Variants in APAF1 observed in about 807,000 individuals in gnomAD.
The protein encoded by APAF1 is apoptotic protease-activating factor 1.
In APAF1, 91 loss-of-function variants were observed where a neutral mutation model predicts 152.4. The ratio of observed to expected loss-of-function variants is 0.60; its 90% CI spans 0.50 to 0.71. The LOEUF (loss-of-function observed/expected upper bound fraction) is 0.71, where lower values mean the gene tolerates loss of function less well. Ranked by LOEUF, APAF1 falls within the 30% of genes least tolerant of loss-of-function variation. APAF1 has a pLI of 0.00. For synonymous variants in APAF1, 484 were observed against 494.1 expected (o/e 0.98, Z 0.27); for missense variants, 1,283 against 1,472.0 (o/e 0.87, Z 2.10).
intron 16 of APAF1, among the ~76,000 whole-genome samples, chr12:98,696,224 A>G (rs1593079346): frequency 6.6e-6 from 1 of 152,102 alleles, no homozygotes. Context: ...GGGAAGCTAC[A>G]CCTGATGAGG....
At position 98,665,446 on chromosome 12, in the gene APAF1, T is replaced by C. The variant is rs2097671458; in HGVS notation, c.956-107T>C. On this transcript the variant is annotated intron_variant, in intron 7 of 26. Coordinates refer to ENST00000551964, the MANE Select transcript of APAF1 (RefSeq NM_181861.2). The stretch of plus-strand genomic sequence containing the variant: ...AGTGATAAATACTTAAGGCTTTTGA[T>C]AACATGCAGCAGAAATTGTTTCTTA... The C allele has an allele frequency of 1.2e-5, 10 of 819,922 alleles. No individual in the cohort carries two copies. The South Asian group carries it at 1.2e-4, about 10-fold the overall frequency. The allele number at this position is 819,922 out of a possible 1,614,324, so 50.8% of individuals were successfully genotyped here. A position where few individuals can be genotyped will look rare whatever the true frequency, so the allele number is the denominator to read the frequency against.
rs1186070944 is a variant in APAF1 at position 98,648,648 on chromosome 12, C to T, written c.161C>T (p.Ala54Val). Residue 54 changes from alanine (A) to valine (V), a missense_variant, in exon 3 of 27, where the codon GCT becomes GTT. By Grantham distance (64) the Ala-to-Val change is moderately conservative. Transcript: ENST00000551964. The stretch of plus-strand genomic sequence containing the variant: ...TAGCCCACTCAACAGCAAAGAGCAG[C>T]TATGCTGATTAAAATGATACTTAAA... ...RNEPTQQQRA[A>V]MLIKMILKKD... The T allele has an allele frequency of 6.2e-7, 1 of 1,613,736 alleles. No homozygotes were observed. The highest frequency in any genetic ancestry group is 8.5e-7 in the Non-Finnish European group (1 of 1,179,928).
chr12:98,660,173 C>T (rs1168066787), intron 5 of APAF1, among the ~76,000 whole-genome samples: 1 of 152,076 alleles, frequency 6.6e-6, no homozygotes, highest in Non-Finnish European at 1.5e-5. Flanking sequence ...TGATGAAACC[C>T]TGTCTTTCTA....
At chr12:98,714,072 T>A (rs1309718788) in intron 21 of APAF1, among the ~76,000 whole-genome samples, 1 of 152,244 alleles carries the variant, frequency 6.6e-6, no homozygotes, top group African/African-American at 2.4e-5. Flanking sequence ...CAGGTGAACC[T>A]TAGGCTTCCA....
At position 98,659,208 on chromosome 12, in the gene APAF1, A is replaced by T. The variant is rs1370484839; in HGVS notation, c.575A>T (p.Lys192Ile). ...TGGGTTTCAGTTGGGAAACAAGACA[A>T]ATCTGGGCTTCTGATGAAACTGCAG... ...VHWVSVGKQDKSGLLMKLQNL... is the reference protein window; with the variant it reads ...VHWVSVGKQDISGLLMKLQNL... Residue 192 changes from lysine (K) to isoleucine (I), a missense_variant, in exon 5 of 27, where the codon AAA becomes ATA. Lys to Ile is a moderately radical substitution (Grantham distance 102). Transcript: ENST00000551964. 5.6e-6 allele frequency: 9 copies of T among 1,614,200 alleles called. No individual in the cohort carries two copies. Among genetic ancestry groups the T allele is most frequent in the South Asian group, 1.1e-5 (1 of 91,086 alleles).
In APAF1 at chr12:98,695,957, T is replaced by C. The variant is rs149789132; in HGVS notation, c.2305-3451T>C. On this transcript the variant is annotated intron_variant, in intron 16 of 26. Coordinates refer to ENST00000551964, the MANE Select transcript of APAF1 (RefSeq NM_181861.2). ...AGGCTCAGAATTTAATTTCTAGGAG[T>C]CTGCCTATTACTTGCCTTTCTGCTT... Among the ~76,000 whole-genome samples, 45 of 152,280 alleles carry C rather than the reference T, an allele frequency of 3.0e-4. No individual in the cohort carries two copies. In the East Asian group the frequency reaches 8.3e-3, roughly 28 times the overall value.
intron 4 of APAF1, among the ~76,000 whole-genome samples, chr12:98,653,842 A>G (rs1008446191): frequency 8.0e-5 from 12 of 150,902 alleles, no homozygotes; most frequent in African/African-American, 2.7e-4. Flanking sequence ...ATCTTTAAAT[A>G]CAGTAGTGAC....
chr12:98,673,053 C>T (rs1429878191), intron 12 of APAF1, among the ~76,000 whole-genome samples: 1 of 152,026 alleles, frequency 6.6e-6, no homozygotes, highest in Non-Finnish European at 1.5e-5. Flanking sequence ...CCACTGCACC[C>T]GGCCTAAATT....
chr12:98,723,846 A>G (rs2097746648), intron 24 of APAF1, 82 bp downstream of exon 24: 3 of 1,412,538 alleles, frequency 2.1e-6, no homozygotes, highest in East Asian at 4.6e-5. Context: ...GCAAAAGGAC[A>G]TAACAGTTGC....
At chr12:98,700,377 G>A (rs1242657288) in intron 17 of APAF1, among the ~76,000 whole-genome samples, 4 of 152,136 alleles carry the variant, frequency 2.6e-5, no homozygotes, top group Non-Finnish European at 5.9e-5. Context: ...CTGTTTTAAA[G>A]AGCATAATTG....
chr12:98,655,440 C>T (rs1177982831), intron 4 of APAF1, among the ~76,000 whole-genome samples: 2 of 150,142 alleles, frequency 1.3e-5, no homozygotes, highest in African/African-American at 4.9e-5. Context: ...CCGGACGGGG[C>T]GGCCGGCCGG....
In APAF1 at chr12:98,686,885, T is replaced by C; in HGVS notation, c.2304+12T>C. 6.2e-7 allele frequency: 1 copy of C among 1,613,290 alleles called. No individual in the cohort carries two copies. Among genetic ancestry groups the C allele is most frequent in the Non-Finnish European group, 8.5e-7 (1 of 1,179,376 alleles). ...ATGGAACCTTAAAGGTATGCTTTTG[T>C]ACACTATTAAAATAGGTTGTATTTT... On this transcript the variant is annotated intron_variant, in intron 16 of 26. Coordinates refer to ENST00000551964, the MANE Select transcript of APAF1 (RefSeq NM_181861.2).
At chr12:98,678,477 T>C (rs1290478916) in intron 13 of APAF1, among the ~76,000 whole-genome samples, 2 of 152,106 alleles carry the variant, frequency 1.3e-5, no homozygotes, top group Admixed American at 1.3e-4. Flanking sequence ...GCTGTGGACC[T>C]GGGAACCCGC....
At chr12:98,698,416 A>G (rs542250561) in intron 16 of APAF1, among the ~76,000 whole-genome samples, 109 of 152,296 alleles carry the variant, frequency 7.2e-4, no homozygotes, top group African/African-American at 2.5e-3. Context: ...CTGAAGGTTC[A>G]GGCTTTTATG....
At chr12:98,678,232 T>A (rs1363981728) in intron 13 of APAF1, among the ~76,000 whole-genome samples, 1 of 152,248 alleles carries the variant, frequency 6.6e-6, no homozygotes, top group Non-Finnish European at 1.5e-5. Flanking sequence ...TTTATTTGAT[T>A]GTTAAGAATT....
At chr12:98,670,946 G>C in intron 10 of APAF1, 27 bp from the exon 11 acceptor site, 1 of 1,469,086 alleles carries the variant, frequency 6.8e-7, no homozygotes, top group Non-Finnish European at 9.5e-7. Flanking sequence ...TAACAGTGCT[G>C]CTGATACTAC....
chr12:98,735,081 TA>T lies in APAF1; in HGVS notation c.*2519del, dbSNP rs1438310824. On this transcript the variant is annotated 3_prime_UTR_variant, in exon 27 of 27. Coordinates refer to ENST00000551964, the MANE Select transcript of APAF1 (RefSeq NM_181861.2). The stretch of plus-strand genomic sequence containing the variant: ...TGGGTGACATAGCAAGACCCTGTCT[TA>T]AAAGAAAAATGGGAAGAAAGACAAG... 1 of 397,642 alleles carries T rather than the reference TA, an allele frequency of 2.5e-6. No individual in the cohort carries two copies. Among genetic ancestry groups the T allele is most frequent in the Non-Finnish European group, 4.4e-6 (1 of 225,610 alleles). 24.6% of individuals were successfully genotyped at this position (397,642 alleles called of 1,614,324 possible). A position where few individuals can be genotyped will look rare whatever the true frequency, so the allele number is the denominator to read the frequency against.
chr12:98,649,757 G>A (rs1026029147), intron 4 of APAF1, 73 bp downstream of exon 4: 20 of 1,313,436 alleles, frequency 1.5e-5, no homozygotes, highest in African/African-American at 5.9e-5. Context: ...ATATCAATAC[G>A]TGATAAATTG....
intron 13 of APAF1, among the ~76,000 whole-genome samples, chr12:98,679,466 G>A (rs1374184109): frequency 2.0e-5 from 3 of 152,332 alleles, no homozygotes; most frequent in Admixed American, 1.3e-4. Flanking sequence ...ACCTGTCAGC[G>A]TACCACATTC....
Sources: gnomAD v4.1 joint callset for allele counts (sites outside exome capture counted in the v4.1 genomes callset) on GRCh38, gnomAD v4.1.1 for gene constraint, MANE v1.5 for transcripts, NCBI Gene and HGNC (gene_info 2026-07-23, HGNC 2026-07-21) for gene names.